The following WDR7 variants were observed in gnomAD, a reference collection of about 807,000 sequenced individuals.
WDR7 encodes WD repeat domain 7, also known as WD repeat-containing protein 7.
In WDR7, 46 loss-of-function variants were observed where a neutral mutation model predicts 169.4. That is an observed-to-expected ratio of 0.27 (90% CI 0.21 to 0.35). The LOEUF (loss-of-function observed/expected upper bound fraction) is 0.35. WDR7 is among the 10% of genes least tolerant of loss of function. The probability of loss-of-function intolerance (pLI) is 1.00; values close to 1 mark genes in which losing one functional copy is unlikely to be tolerated. For synonymous variants in WDR7, 612 were observed against 666.8 expected, an observed-to-expected ratio of 0.92 and a Z score of 1.27; for missense variants, 1,534 against 1,859.3, an observed-to-expected ratio of 0.83 and a Z score of 3.22.
chr18:56,918,860 A>G (rs1379797033), intron 21 of WDR7, among the ~76,000 whole-genome samples: 1 of 152,240 alleles, frequency 6.6e-6, no homozygotes, highest in Non-Finnish European at 1.5e-5. Flanking sequence ...TATTGAGTAT[A>G]AAGCACTGTG....
At chr18:56,777,558 G>T (rs2145054278) in intron 17 of WDR7, among the ~76,000 whole-genome samples, 1 of 152,226 alleles carries the variant, frequency 6.6e-6, no homozygotes, top group Non-Finnish European at 1.5e-5. Context: ...AGGATTATTT[G>T]TACTGCCCAG....
At chr18:56,684,199 ATCT>A (rs751271107) in intron 5 of WDR7, among the ~76,000 whole-genome samples, 31 of 152,318 alleles carry the variant, frequency 2.0e-4, no homozygotes, top group Admixed American at 1.4e-3. Context: ...ACTATAGATT[ATCT>A]TTTTCTGGGA....
chr18:57,035,410 G>T, the WDR7 span: 1 of 152,442 alleles, frequency 6.6e-6, no homozygotes, highest in Non-Finnish European at 1.5e-5. Flanking sequence ...TAAGCTGCTT[G>T]GCTTGGAGAA....
chr18:56,668,487 T>G (rs2025066940), intron 1 of WDR7, among the ~76,000 whole-genome samples: 1 of 152,216 alleles, frequency 6.6e-6, no homozygotes, highest in Non-Finnish European at 1.5e-5. Flanking sequence ...TGGTAATTGT[T>G]TACATGTATG....
chr18:56,962,684 G>A (rs2047354501), intron 26 of WDR7, among the ~76,000 whole-genome samples, 155 bp downstream of exon 26: 1 of 152,148 alleles, frequency 6.6e-6, no homozygotes, highest in South Asian at 2.1e-4. Flanking sequence ...ACAGAATATA[G>A]AGCCCTACTG....
At chr18:57,002,395 A>G (rs538471627) in intron 26 of WDR7, among the ~76,000 whole-genome samples, 40 of 152,322 alleles carry the variant, frequency 2.6e-4, no homozygotes, top group African/African-American at 9.1e-4. Flanking sequence ...GAAAATAATT[A>G]TCATAAAAAC....
At chr18:56,867,123 C>T (rs1325540182) in intron 20 of WDR7, among the ~76,000 whole-genome samples, 1 of 152,138 alleles carries the variant, frequency 6.6e-6, no homozygotes, top group Non-Finnish European at 1.5e-5. Context: ...CCCCTGGGCT[C>T]AAGCGATTCT....
intron 26 of WDR7, among the ~76,000 whole-genome samples, chr18:56,988,590 A>AGTGTGTGTGT (rs71171009): frequency 0.02 from 2,880 of 142,632 alleles, 67 homozygotes; most frequent in East Asian, 0.1. Context: ...ATGGAAGGCA[A>AGTGTGTGTGT]GTGTGTGTGT....
chr18:56,748,552 A>G (rs973701293), intron 14 of WDR7, among the ~76,000 whole-genome samples: 7 of 152,164 alleles, frequency 4.6e-5, no homozygotes, highest in African/African-American at 1.7e-4. Flanking sequence ...ACTGTAATTA[A>G]GTGATTTCTA....
chr18:56,699,246 CT>C (rs1274155526), intron 12 of WDR7, among the ~76,000 whole-genome samples: 1 of 152,094 alleles, frequency 6.6e-6, no homozygotes, highest in African/African-American at 2.4e-5. Context: ...AGCCTAATTG[CT>C]TAATAAAAAG....
At chr18:56,933,994 A>C (rs1214581002) in intron 22 of WDR7, among the ~76,000 whole-genome samples, 1 of 151,886 alleles carries the variant, frequency 6.6e-6, no homozygotes, top group African/African-American at 2.4e-5. Flanking sequence ...ATCTTTGCCA[A>C]CTCCAGCATT....
chr18:56,862,645 A>C (rs1281785736), intron 20 of WDR7, among the ~76,000 whole-genome samples: 1 of 151,882 alleles, frequency 6.6e-6, no homozygotes, highest in East Asian at 1.9e-4. Context: ...AACAATAGTG[A>C]AAATTTTTTA....
rs895380236 is a variant in WDR7, at chr18:56,797,745, T to C, written c.3190+16089T>C. Among the ~76,000 whole-genome samples, 9 of 150,984 alleles carry C rather than the reference T, an allele frequency of 6.0e-5. No individual in the cohort carries two copies. In the South Asian group the frequency reaches 1.9e-3, roughly 32 times the overall value. On this transcript the variant is annotated intron_variant, in intron 19 of 27. Transcript: ENST00000254442. ...GTGGATTTATCAGAATACACTTTTA[T>C]CTATCTATCTAAAAAATAAGTCAGC... is the stretch of plus-strand genomic sequence containing the variant.
Position 56,668,549 on chromosome 18 carries a change from C to G in WDR7, c.-19-3948C>G, listed in dbSNP as rs750546746. Among the ~76,000 whole-genome samples, 10 of 152,150 alleles carry G rather than the reference C, an allele frequency of 6.6e-5. No homozygotes were observed. In the South Asian group the frequency reaches 8.3e-4, roughly 13 times the overall value. On this transcript the variant is annotated intron_variant, in intron 1 of 27. Coordinates refer to ENST00000254442, the MANE Select transcript of WDR7 (RefSeq NM_015285.3). ...GTCTATTTTATTTATTATTGTAATA[C>G]TTATACCTACCATGGCATTGGCATG...
intron 12 of WDR7, among the ~76,000 whole-genome samples, chr18:56,698,610 A>G (rs566522244): frequency 6.6e-6 from 1 of 152,192 alleles, no homozygotes; most frequent in African/African-American, 2.4e-5. Context: ...TGTCTCAAAA[A>G]AAAAAAAAAA....
downstream of WDR7, chr18:57,034,051 A>G: frequency 6.6e-6 from 1 of 152,346 alleles, no homozygotes; most frequent in Non-Finnish European, 1.5e-5. Context: ...CAGGAGGCTG[A>G]GGCAGGAGAA....
chr18:56,967,663 G>T (rs1317535641), intron 26 of WDR7, among the ~76,000 whole-genome samples: 1 of 151,366 alleles, frequency 6.6e-6, no homozygotes, highest in African/African-American at 2.5e-5. Context: ...ATTCTCTTAG[G>T]CTCGTGTTAA....
At chr18:56,805,948 G>T (rs1021747600) in intron 19 of WDR7, among the ~76,000 whole-genome samples, 3 of 152,002 alleles carry the variant, frequency 2.0e-5, no homozygotes, top group Non-Finnish European at 4.4e-5. Context: ...CTGTAGATGC[G>T]CCAGGGACTT....
chr18:56,892,436 C>A, intron 21 of WDR7, among the ~76,000 whole-genome samples: 1 of 152,068 alleles, frequency 6.6e-6, no homozygotes, highest in East Asian at 1.9e-4. Flanking sequence ...TGTTCAGCTT[C>A]ATATACTTGT....
Sources: gnomAD v4.1 joint callset for allele counts (sites outside exome capture counted in the v4.1 genomes callset) on GRCh38, gnomAD v4.1.1 for gene constraint, MANE v1.5 for transcripts, NCBI Gene and HGNC (gene_info 2026-07-23, HGNC 2026-07-21) for gene names.